Variants in PWWP2A observed in about 807,000 individuals in gnomAD.
The protein encoded by PWWP2A is PWWP domain containing 2A, also known as PWWP domain-containing protein 2A.
In PWWP2A, 18 loss-of-function variants were observed where a neutral mutation model predicts 48.5. The observed-to-expected ratio is 0.37, with a 90% confidence interval of 0.26 to 0.55. The LOEUF is 0.55. Ranked by LOEUF, PWWP2A falls within the 20% of genes least tolerant of loss-of-function variation. The pLI is 0.81. For missense variants in PWWP2A, 867 were observed against 976.4 expected, an observed-to-expected ratio of 0.89 and a Z score of 1.49; for synonymous variants, 396 against 387.7, an observed-to-expected ratio of 1.02 and a Z score of -0.25.
intron 4 of PWWP2A, chr5:160,065,127 G>A: frequency 1.3e-6 from 2 of 1,580,722 alleles, no homozygotes; most frequent in Non-Finnish European, 8.6e-7. Flanking sequence ...GTTAGCTAGG[G>A]GAAAGGCCCT....
At chr5:160,089,544 C>T (rs1561663390), downstream of PWWP2A, 10 of 1,287,102 alleles carry the variant, frequency 7.8e-6, no homozygotes, top group Non-Finnish European at 9.1e-6. Flanking sequence ...TTTGGTTCCA[C>T]ATCTGTAAAT....
At chr5:160,073,555 T>G (rs529825462), downstream of PWWP2A, among the ~76,000 whole-genome samples, 3 of 151,844 alleles carry the variant, frequency 2.0e-5, no homozygotes, top group Non-Finnish European at 2.9e-5. Context: ...ACCAAGCCAC[T>G]TTCCCTCCTT....
chr5:160,081,738 T>G (rs974089818), intron 2 of PWWP2A, among the ~76,000 whole-genome samples: 3 of 152,238 alleles, frequency 2.0e-5, no homozygotes, highest in African/African-American at 7.2e-5. Flanking sequence ...CTAAGCGTAA[T>G]TTAAATGAAG....
At chr5:160,116,115 G>A (rs981734609) in intron 1 of PWWP2A, among the ~76,000 whole-genome samples, 1 of 152,104 alleles carries the variant, frequency 6.6e-6, no homozygotes, top group Admixed American at 6.6e-5. Flanking sequence ...AGGCTGGACT[G>A]TGTGATCTTA....
At chr5:160,052,559 A>C in the PWWP2A span, among the ~76,000 whole-genome samples, 1 of 151,084 alleles carries the variant, frequency 6.6e-6, no homozygotes, top group African/African-American at 2.4e-5. Flanking sequence ...AAAAAAAAAA[A>C]AAAAAAAAAA....
At chr5:160,089,515 C>A, downstream of PWWP2A, 1 of 1,278,298 alleles carries the variant, frequency 7.8e-7, no homozygotes, top group South Asian at 1.3e-5. Context: ...CCTGGCCTCT[C>A]ACAGATAATT....
chr5:160,061,569 C>T (rs966756381), downstream of PWWP2A, among the ~76,000 whole-genome samples: 3 of 152,072 alleles, frequency 2.0e-5, no homozygotes, highest in Non-Finnish European at 2.9e-5. Flanking sequence ...AACGCAGAGA[C>T]TATTTATTTG....
intron 1 of PWWP2A, among the ~76,000 whole-genome samples, chr5:160,113,020 T>G (rs1236650071): frequency 6.6e-6 from 1 of 152,060 alleles, no homozygotes; most frequent in Non-Finnish European, 1.5e-5. Context: ...TTAGCCAGGC[T>G]TGGTGGCGTG....
intron 4 of PWWP2A, chr5:160,065,326 G>A (rs1753573582): frequency 1.7e-6 from 1 of 592,368 alleles, no homozygotes; most frequent in East Asian, 3.8e-5. Context: ...CTATGTCCAG[G>A]AAGAAGCCCA....
At chr5:160,047,501 C>G in the PWWP2A span, among the ~76,000 whole-genome samples, 2 of 152,340 alleles carry the variant, frequency 1.3e-5, no homozygotes, top group South Asian at 4.1e-4. Context: ...ATCTGGACCA[C>G]TGCATTAGCT....
chr5:160,068,898 A>G (rs181771840), intron 2 of PWWP2A, among the ~76,000 whole-genome samples: 4 of 152,308 alleles, frequency 2.6e-5, no homozygotes, highest in Admixed American at 2.6e-4. Context: ...CTACTAACCA[A>G]TATCTGTTAC....
At chr5:160,083,209 C>G (rs1754369073) in intron 2 of PWWP2A, among the ~76,000 whole-genome samples, 1 of 152,122 alleles carries the variant, frequency 6.6e-6, no homozygotes, top group African/African-American at 2.4e-5. Context: ...GTAATTCTTC[C>G]CAGTATACCA....
intron 2 of PWWP2A, among the ~76,000 whole-genome samples, chr5:160,067,494 G>A (rs562118147): frequency 6.6e-6 from 1 of 152,152 alleles, no homozygotes; most frequent in Admixed American, 6.5e-5. Context: ...AGACTTGTTC[G>A]TCTAGAAACA....
chr5:160,056,217 A>G, the PWWP2A span, among the ~76,000 whole-genome samples: 1 of 152,222 alleles, frequency 6.6e-6, no homozygotes, highest in Non-Finnish European at 1.5e-5. Context: ...TCCTTTCACC[A>G]GCACCTGCTG....
chr5:160,106,996 T>C (rs1177808285), intron 1 of PWWP2A, among the ~76,000 whole-genome samples: 1 of 151,948 alleles, frequency 6.6e-6, no homozygotes, highest in Non-Finnish European at 1.5e-5. Context: ...ACTAATTTTT[T>C]TGTATTTTTA....
intron 1 of PWWP2A, among the ~76,000 whole-genome samples, chr5:160,103,130 G>A (rs1197117876): frequency 1.3e-5 from 2 of 152,162 alleles, no homozygotes; most frequent in Non-Finnish European, 2.9e-5. Flanking sequence ...TATTTACATA[G>A]AGAATGACAA....
At chr5:160,102,110 CAAA>C (rs61608471) in intron 1 of PWWP2A, among the ~76,000 whole-genome samples, 10 of 58,988 alleles carry the variant, frequency 1.7e-4, no homozygotes, top group Non-Finnish European at 2.1e-4. Flanking sequence ...AACTTGGTGT[CAAA>C]AAAAAAAAAA....
chr5:160,073,552 C>G (rs1333138290), downstream of PWWP2A, among the ~76,000 whole-genome samples: 1 of 152,078 alleles, frequency 6.6e-6, no homozygotes, highest in Non-Finnish European at 1.5e-5. Flanking sequence ...ATCACCAAGC[C>G]ACTTTCCCTC....
downstream of PWWP2A, among the ~76,000 whole-genome samples, chr5:160,058,473 C>A (rs376182788): frequency 6.9e-6 from 1 of 144,010 alleles, no homozygotes; most frequent in Non-Finnish European, 1.5e-5. Context: ...TGCAGTGGTG[C>A]GATCTCGGCT....
Sources: gnomAD v4.1 joint callset for allele counts (sites outside exome capture counted in the v4.1 genomes callset) on GRCh38, gnomAD v4.1.1 for gene constraint, MANE v1.5 for transcripts, NCBI Gene and HGNC (gene_info 2026-07-23, HGNC 2026-07-21) for gene names.